Variants in EPS8L1 observed in about 807,000 individuals in gnomAD.
The protein encoded by EPS8L1 is epidermal growth factor receptor kinase substrate 8-like protein 1.
Under a neutral mutation model 91.7 loss-of-function variants are expected in EPS8L1, and 101 were observed. That is an observed-to-expected ratio of 1.10 (90% CI 0.94 to 1.30). The LOEUF (loss-of-function observed/expected upper bound fraction) is 1.30, where lower values mean the gene tolerates loss of function less well. Ranked by LOEUF, EPS8L1 falls within the 50% of genes most tolerant of loss-of-function variation. EPS8L1 has a pLI of 0.00. For synonymous variants in EPS8L1, 506 were observed against 445.3 expected (o/e 1.14, Z -1.72); for missense variants, 1,114 against 1,017.0 (o/e 1.10, Z -1.30).
Position 55,086,892 on chromosome 19 carries a change from A to G in EPS8L1, c.1952+4A>G. 1 of 1,425,258 alleles carries G rather than the reference A, an allele frequency of 7.0e-7. No homozygotes were observed. Among genetic ancestry groups the G allele is most frequent in the East Asian group, 2.8e-5 (1 of 35,874 alleles). 88.3% of individuals were successfully genotyped at this position (1,425,258 alleles called of 1,614,324 possible). On this transcript the variant is annotated splice_donor_region_variant and intron_variant, in intron 18 of 19. Transcript: ENST00000201647. ...AGGCCAAGGGCTTTAGCTCCGGGTG[A>G]GTGGGGCCGGGGCCCTCTCGGCGCG... is the stretch of plus-strand genomic sequence containing the variant.
rs924462825 is a variant in EPS8L1 at position 55,082,658 on chromosome 19, T to C, written c.1214+56T>C. 3.2e-5 allele frequency: 48 copies of C among 1,477,638 alleles called. No homozygotes were observed. In the African/African-American group the frequency reaches 5.9e-4, roughly 18 times the overall value. The allele number at this position is 1,477,638 out of a possible 1,614,324, so 91.5% of individuals were successfully genotyped here. A position where few individuals can be genotyped will look rare whatever the true frequency, so the allele number is the denominator to read the frequency against. On this transcript the variant is annotated intron_variant, in intron 12 of 19. Coordinates refer to ENST00000201647, the MANE Select transcript of EPS8L1 (RefSeq NM_133180.3). Reference sequence around the variant, plus strand: ...TGGTGATTGGAGGAGCATAAGGCGCTGGGAGGTGGGTGGCATGATGATTGG... The same window carrying C: ...TGGTGATTGGAGGAGCATAAGGCGCCGGGAGGTGGGTGGCATGATGATTGG...
At chr19:55,084,044 G>A (rs1285949257) in intron 14 of EPS8L1, 2 of 420,576 alleles carry the variant, frequency 4.8e-6, no homozygotes, top group Admixed American at 8.2e-5. Context: ...GGAGGGGAGA[G>A]GCTGGGGAAT....
rs756158418 is a variant in EPS8L1, at chr19:55,081,759, C to A, written c.775-14C>A. 6.3e-7 allele frequency: 1 copy of A among 1,599,708 alleles called. No individual in the cohort carries two copies. The highest frequency in any genetic ancestry group is 1.1e-5 in the South Asian group (1 of 90,204). ...ACTCGGGAGCCCTGAGCGTCCCCCT[C>A]CTCTGTCCCCTAGGACATCCTGAAC... is the stretch of plus-strand genomic sequence containing the variant. On this transcript the variant is annotated splice_polypyrimidine_tract_variant and intron_variant, in intron 8 of 19. Transcript: ENST00000201647. The surrounding 1 kb of genome is among the most constrained non-coding windows in gnomAD (Gnocchi z 4.9).
Position 55,083,806 on chromosome 19 carries a change from G to A in EPS8L1, c.1385+162G>A. The A allele has an allele frequency of 1.3e-6, 1 of 757,744 alleles. No homozygotes were observed. The highest frequency in any genetic ancestry group is 2.2e-6 in the Non-Finnish European group (1 of 452,536). The allele number at this position is 757,744 out of a possible 1,614,324, so 46.9% of individuals were successfully genotyped here. A position where few individuals can be genotyped will look rare whatever the true frequency, so the allele number is the denominator to read the frequency against. Reference sequence around the variant, plus strand: ...GATGGGGCGGGCCGGGGCTGGGAGAGAGGGAGGAGCAGGGTGGGAGGGGGC... The same window carrying A: ...GATGGGGCGGGCCGGGGCTGGGAGAAAGGGAGGAGCAGGGTGGGAGGGGGC... On this transcript the variant is annotated intron_variant, in intron 14 of 19. Coordinates refer to ENST00000201647, the MANE Select transcript of EPS8L1 (RefSeq NM_133180.3). This position sits in a 1 kb window ranked among gnomAD's most constrained non-coding sequence, Gnocchi z 4.7.
At position 55,087,285 on chromosome 19, in the gene EPS8L1, C is replaced by A; in HGVS notation, c.1953-18C>A. On this transcript the variant is annotated intron_variant, in intron 18 of 19. Coordinates refer to ENST00000201647, the MANE Select transcript of EPS8L1 (RefSeq NM_133180.3). ...ATCCGCCGACCGGCCTGACCGCGCC[C>A]GGGCTGCCCTCGCTCAGGACCGTGG... The A allele has an allele frequency of 6.3e-7, 1 of 1,587,656 alleles. No individual in the cohort carries two copies. Among genetic ancestry groups the A allele is most frequent in the Non-Finnish European group, 8.6e-7 (1 of 1,167,506 alleles).
chr19:55,078,193 C>T, intron 3 of EPS8L1, 65 bp downstream of exon 3: 1 of 1,524,836 alleles, frequency 6.6e-7, no homozygotes, highest in Non-Finnish European at 9.0e-7. Context: ...GACCTGGCAT[C>T]CAGGGTCTTG....
chr19:55,081,331 C>CG lies in EPS8L1; in HGVS notation c.617dup (p.Ala207ArgfsTer21). 6.4e-7 allele frequency: 1 copy of CG among 1,556,304 alleles called. No homozygotes were observed. ...CCGCGCAGTGATCAGCACCGTAGAG[C>CG]GGGGCGCGGGCCGCGGACGACCCCA... On this transcript the variant is annotated frameshift_variant, in exon 8 of 20. Coordinates refer to ENST00000201647, the MANE Select transcript of EPS8L1 (RefSeq NM_133180.3). LOFTEE classifies it high-confidence loss of function. This position sits in a 1 kb window ranked among gnomAD's most constrained non-coding sequence, Gnocchi z 4.9.
intron 3 of EPS8L1, among the ~76,000 whole-genome samples, chr19:55,078,764 G>A (rs12462543): frequency 1.6e-3 from 43 of 27,152 alleles, no homozygotes; most frequent in Middle Eastern, 0.024. Flanking sequence ...GTCAGAGGGA[G>A]GAGGGGCTGG....
intron 18 of EPS8L1, 121 bp from the exon 19 acceptor site, chr19:55,087,182 C>G (rs957119390): frequency 1.4e-6 from 2 of 1,416,784 alleles, no homozygotes; most frequent in South Asian, 1.4e-5. Context: ...GGTGTCGGGC[C>G]TGCCCCCGCT....
At chr19:55,080,717 C>G (rs973563373) in intron 6 of EPS8L1, 55 bp from the exon 7 acceptor site, 2 of 1,589,478 alleles carry the variant, frequency 1.3e-6, no homozygotes, top group African/African-American at 1.3e-5. Flanking sequence ...GGGCGAGGCC[C>G]GGGTAGGAAG....
In EPS8L1 at chr19:55,087,663, G is replaced by A. The variant is rs1292576804; in HGVS notation, c.*49G>A. 2 of 1,571,020 alleles carry A rather than the reference G, an allele frequency of 1.3e-6. No homozygotes were observed. The highest frequency in any genetic ancestry group is 1.7e-6 in the Non-Finnish European group (2 of 1,144,752). ...AGTGACGAGGCCCCGTGGGAGAACG[G>A]ACTCCTCAGACTCTCCCCAATAGCG... On this transcript the variant is annotated 3_prime_UTR_variant, in exon 20 of 20. Coordinates refer to ENST00000201647, the MANE Select transcript of EPS8L1 (RefSeq NM_133180.3).
rs1481325337 is a variant in EPS8L1 at position 55,083,448 on chromosome 19, ACTGACCCG to A, written c.1287_1294del (p.Asp430GlufsTer9). 4 of 1,612,708 alleles carry A rather than the reference ACTGACCCG, an allele frequency of 2.5e-6. No individual in the cohort carries two copies. Among genetic ancestry groups the A allele is most frequent in the Non-Finnish European group, 3.4e-6 (4 of 1,179,840 alleles). ...CTTCAGCGGCTGGGAGCCGCCGGTCACTGACCCGCAGAGCCGCGCCTGGGAGGACCCAG... is the reference window on the plus strand; with the variant it reads ...CTTCAGCGGCTGGGAGCCGCCGGTCACAGAGCCGCGCCTGGGAGGACCCAG... On this transcript the variant is annotated frameshift_variant, in exon 13 of 20. Coordinates refer to ENST00000201647, the MANE Select transcript of EPS8L1 (RefSeq NM_133180.3). LOFTEE classifies it high-confidence loss of function. This position sits in a 1 kb window ranked among gnomAD's most constrained non-coding sequence, Gnocchi z 4.7.
chr19:55,082,323 C>A lies in EPS8L1; in HGVS notation c.1039C>A (p.His347Asn), dbSNP rs1250809692. Residue 347 changes from histidine to asparagine, a missense_variant, in exon 11 of 20, where the codon CAC (histidine) becomes AAC (asparagine). Physicochemically the swap from His to Asn is moderately conservative, Grantham distance 68 (BLOSUM62 1). Coordinates refer to ENST00000201647, the MANE Select transcript of EPS8L1 (RefSeq NM_133180.3). ...IADPSSPELL[H>N]FLFGPLQMIV... ...CGACCCCTCCTCTCCGGAGCTGTTG[C>A]ACTTCCTTTTCGGGCCTCTGCAGAT... 3 of 1,612,686 alleles carry A rather than the reference C, an allele frequency of 1.9e-6. No homozygotes were observed. The highest frequency in any genetic ancestry group is 2.5e-6 in the Non-Finnish European group (3 of 1,179,886).
intron 18 of EPS8L1, 153 bp from the exon 19 acceptor site, chr19:55,087,150 G>A (rs1373222905): frequency 1.6e-6 from 2 of 1,251,536 alleles, no homozygotes; most frequent in Non-Finnish European, 2.1e-6. Context: ...GCAACATTGT[G>A]ATTGGTGGGT....
chr19:55,082,194 C>T lies in EPS8L1; in HGVS notation c.990+14C>T, dbSNP rs533905863. The T allele has an allele frequency of 1.9e-6, 3 of 1,589,512 alleles. No individual in the cohort carries two copies. Among genetic ancestry groups the T allele is most frequent in the Admixed American group, 1.8e-5 (1 of 56,388 alleles). Reference sequence around the variant, plus strand: ...TTCAGCCTGCTGGTGAGGACGCGCCCGCCCCTGGGCCGGGGCGCGGGCACG... The same window carrying T: ...TTCAGCCTGCTGGTGAGGACGCGCCTGCCCCTGGGCCGGGGCGCGGGCACG... On this transcript the variant is annotated intron_variant, in intron 10 of 19. Transcript: ENST00000201647.
intron 14 of EPS8L1, among the ~76,000 whole-genome samples, chr19:55,085,523 A>G (rs2076344330): frequency 6.6e-6 from 1 of 152,118 alleles, no homozygotes; most frequent in African/African-American, 2.4e-5. Flanking sequence ...TGCCTATTAG[A>G]TGCTCAATAA....
rs574820593 is a variant in EPS8L1 at position 55,086,908 on chromosome 19, T to C, written c.1952+20T>C. ...CTCCGGGTGAGTGGGGCCGGGGCCC[T>C]CTCGGCGCGGGTTGATACGGACGCT... On this transcript the variant is annotated intron_variant, in intron 18 of 19. Transcript: ENST00000201647. 21 of 1,412,486 alleles carry C rather than the reference T, an allele frequency of 1.5e-5. No individual in the cohort carries two copies. The Admixed American group carries it at 2.1e-4, about 14-fold the overall frequency. The allele number at this position is 1,412,486 out of a possible 1,614,324, so 87.5% of individuals were successfully genotyped here. A position where few individuals can be genotyped will look rare whatever the true frequency, so the allele number is the denominator to read the frequency against.
rs1199441698 is a variant in EPS8L1 at position 55,083,846 on chromosome 19, T to C, written c.1385+202T>C. On this transcript the variant is annotated intron_variant, in intron 14 of 19. Coordinates refer to ENST00000201647, the MANE Select transcript of EPS8L1 (RefSeq NM_133180.3). This position sits in a 1 kb window ranked among gnomAD's most constrained non-coding sequence, Gnocchi z 4.7. ...TGGGAGGGGGCGGGACCCAGACTTC[T>C]GGGGCTAAGGGAGTTGGGAATGGAG... The C allele has an allele frequency of 4.1e-6, 3 of 735,426 alleles. No homozygotes were observed. In the Admixed American group the frequency reaches 6.4e-5, roughly 16 times the overall value. 45.6% of individuals were successfully genotyped at this position (735,426 alleles called of 1,614,324 possible).
In EPS8L1 at chr19:55,076,559, G is replaced by C. The variant is rs536740277; in HGVS notation, c.17+98G>C. 91 of 1,412,600 alleles carry C rather than the reference G, an allele frequency of 6.4e-5. No individual in the cohort carries two copies. The African/African-American group carries it at 1.2e-3, about 19-fold the overall frequency. 87.5% of individuals were successfully genotyped at this position (1,412,600 alleles called of 1,614,324 possible). A position where few individuals can be genotyped will look rare whatever the true frequency, so the allele number is the denominator to read the frequency against. The stretch of plus-strand genomic sequence containing the variant: ...GCTTGCGGCAGCCCAGACTGTTTGC[G>C]GCGGCCCAGACTCTGGCCCAAGCCC... On this transcript the variant is annotated intron_variant, in intron 2 of 19. Transcript: ENST00000201647.
Sources: allele counts gnomAD v4.1 joint callset (sites outside exome capture counted in the v4.1 genomes callset), GRCh38; gene constraint gnomAD v4.1.1; non-coding constraint Gnocchi (gnomAD v3.1); transcripts MANE v1.5; gene names NCBI Gene and HGNC (gene_info 2026-07-23, HGNC 2026-07-21).